The following FBXL17 variants were observed in gnomAD, a reference collection of about 807,000 sequenced individuals.
FBXL17 encodes the protein F-box/LRR-repeat protein 17.
In FBXL17, 22 loss-of-function variants were observed where a neutral mutation model predicts 66.2. The ratio of observed to expected loss-of-function variants is 0.33; its 90% CI spans 0.24 to 0.47. The LOEUF (loss-of-function observed/expected upper bound fraction) is 0.47. FBXL17 is among the 20% of genes least tolerant of loss of function. The probability of loss-of-function intolerance (pLI) is 1.00; values close to 1 mark genes in which losing one functional copy is unlikely to be tolerated. For missense variants in FBXL17, 878 were observed against 948.2 expected (o/e 0.93, Z 0.97); for synonymous variants, 474 against 400.5 (o/e 1.18, Z -2.19).
chr5:108,003,613 C>G (rs557554841), intron 7 of FBXL17, among the ~76,000 whole-genome samples: 1 of 151,906 alleles, frequency 6.6e-6, no homozygotes, highest in Non-Finnish European at 1.5e-5. Flanking sequence ...AAAACATGAG[C>G]AAGTAACATG....
chr5:108,368,092 G>A (rs1241489503), intron 1 of FBXL17, 139 bp from the exon 2 acceptor site: 13 of 753,194 alleles, frequency 1.7e-5, no homozygotes, highest in East Asian at 5.5e-5. Flanking sequence ...GTAAGTCACC[G>A]TAAGAGATCA....
chr5:107,880,238 T>G (rs1161160798), intron 8 of FBXL17: 3 of 415,184 alleles, frequency 7.2e-6, no homozygotes, highest in Non-Finnish European at 9.7e-6. Flanking sequence ...TGGCTAATTT[T>G]TTTTTGTTGG....
At chr5:107,979,057 T>C (rs1321135953) in intron 7 of FBXL17, among the ~76,000 whole-genome samples, 1 of 152,198 alleles carries the variant, frequency 6.6e-6, no homozygotes, top group Non-Finnish European at 1.5e-5. Context: ...AAATATGTCT[T>C]GTGAAGATTA....
Position 108,350,530 on chromosome 5 carries a change from T to C in FBXL17, c.1375-2000A>G, listed in dbSNP as rs147915208. 1.9e-3 allele frequency among the ~76,000 whole-genome samples: 293 copies of C among 152,194 alleles called. 3 individuals are homozygous for C. The highest frequency in any genetic ancestry group is 2.0e-3 in the Non-Finnish European group (137 of 67,990). On this transcript the variant is annotated intron_variant, in intron 3 of 8. Transcript: ENST00000542267. ...ACTTGTCCAGCATAAATGACAAAAA[T>C]AGACACATGGCAATGCAAATCATCA... is the stretch of plus-strand genomic sequence containing the variant.
intron 6 of FBXL17, among the ~76,000 whole-genome samples, chr5:108,126,236 G>A (rs1750691128): frequency 6.6e-6 from 1 of 151,866 alleles, no homozygotes; most frequent in African/African-American, 2.4e-5. Context: ...AAAAAAAATT[G>A]GGCACTAGGC....
intron 6 of FBXL17, among the ~76,000 whole-genome samples, chr5:108,073,271 G>A (rs867727395): frequency 2.0e-5 from 3 of 152,044 alleles, no homozygotes; most frequent in African/African-American, 4.8e-5. Context: ...GAAATTTAGC[G>A]CTAAAGTGGG....
intron 4 of FBXL17, among the ~76,000 whole-genome samples, chr5:108,334,389 C>T (rs775623155): frequency 2.0e-5 from 3 of 152,150 alleles, no homozygotes; most frequent in Non-Finnish European, 4.4e-5. Flanking sequence ...TGACACTGCC[C>T]TCTGTCTAGT....
At chr5:107,916,778 T>C (rs1750147279) in intron 7 of FBXL17, among the ~76,000 whole-genome samples, 1 of 152,218 alleles carries the variant, frequency 6.6e-6, no homozygotes, top group Non-Finnish European at 1.5e-5. Flanking sequence ...ATCTTGTTCA[T>C]CTTCCACAAA....
At chr5:108,017,394 G>A (rs574720407) in intron 7 of FBXL17, among the ~76,000 whole-genome samples, 2 of 152,276 alleles carry the variant, frequency 1.3e-5, no homozygotes, top group Admixed American at 1.3e-4. Flanking sequence ...TCCACAAACA[G>A]AAAAGTCACA....
chr5:108,252,235 T>C (rs371627055), intron 4 of FBXL17, among the ~76,000 whole-genome samples: 1 of 152,104 alleles, frequency 6.6e-6, no homozygotes, highest in Non-Finnish European at 1.5e-5. Context: ...TATAAACTAG[T>C]TTATCACTAA....
In FBXL17 at chr5:108,143,556, T is replaced by C. The variant is rs114060756; in HGVS notation, c.1745+42561A>G. ...TCTTCTCTCTTCTGCTTTACCAACA[T>C]CTGCAGCTAAAATTCCCCCACCTTC... On this transcript the variant is annotated intron_variant, in intron 6 of 8. Coordinates refer to ENST00000542267, the MANE Select transcript of FBXL17 (RefSeq NM_001163315.3). Among the ~76,000 whole-genome samples the C allele has an allele frequency of 7.7e-3, 1,176 of 152,094 alleles. 16 individuals are homozygous for C. The highest frequency in any genetic ancestry group is 0.026 in the African/African-American group (1,069 of 41,454).
intron 6 of FBXL17, among the ~76,000 whole-genome samples, chr5:108,118,684 C>A (rs1750359999): frequency 6.6e-6 from 1 of 152,140 alleles, no homozygotes; most frequent in South Asian, 2.1e-4. Flanking sequence ...TCCCCATCAT[C>A]TATATATAAT....
rs1210857649 is a variant in FBXL17, at chr5:108,381,990, G to T, written c.-299C>A. The T allele has an allele frequency of 1.7e-6, 2 of 1,180,428 alleles. No individual in the cohort carries two copies. The allele number at this position is 1,180,428 out of a possible 1,614,324, so 73.1% of individuals were successfully genotyped here. ...GCCTGCCGGCTAGGCGACCAGTCCG[G>T]GCCCGGCCAGCCGGCTCAGTCAGTC... On this transcript the variant is annotated 5_prime_UTR_variant, in exon 1 of 9. Coordinates refer to ENST00000542267, the MANE Select transcript of FBXL17 (RefSeq NM_001163315.3).
intron 6 of FBXL17, among the ~76,000 whole-genome samples, chr5:108,048,308 A>G (rs749098463): frequency 7.9e-5 from 12 of 152,226 alleles, no homozygotes; most frequent in Non-Finnish European, 1.8e-4. Context: ...TCCAAGGGTC[A>G]GCAGTCTCAA....
chr5:107,934,223 G>C (rs1014131240), intron 7 of FBXL17, among the ~76,000 whole-genome samples: 3 of 152,030 alleles, frequency 2.0e-5, no homozygotes, highest in Non-Finnish European at 4.4e-5. Context: ...AGTAAAGTTT[G>C]ACCAAAATTC....
At chr5:107,955,570 G>C (rs1428218778) in intron 7 of FBXL17, among the ~76,000 whole-genome samples, 1 of 152,126 alleles carries the variant, frequency 6.6e-6, no homozygotes, top group Admixed American at 6.5e-5. Flanking sequence ...ATCTGAAGCA[G>C]ACCTTTTTCA....
intron 4 of FBXL17, among the ~76,000 whole-genome samples, chr5:108,295,964 C>CAAA (rs60118717): frequency 3.6e-5 from 4 of 111,666 alleles, no homozygotes; most frequent in South Asian, 2.7e-4. Flanking sequence ...TAAACAAAAC[C>CAAA]AAAAAAAAAA....
intron 7 of FBXL17, among the ~76,000 whole-genome samples, chr5:107,914,042 G>T (rs1242837484): frequency 1.3e-5 from 2 of 151,816 alleles, no homozygotes; most frequent in East Asian, 3.9e-4. Flanking sequence ...TGAGTTTATG[G>T]TATGAAAATT....
At chr5:108,328,197 T>TA (rs1759949249) in intron 4 of FBXL17, among the ~76,000 whole-genome samples, 1 of 152,144 alleles carries the variant, frequency 6.6e-6, no homozygotes, top group African/African-American at 2.4e-5. Flanking sequence ...TCACTAATGA[T>TA]ATGACCAAGT....
Sources: allele counts gnomAD v4.1 joint callset (sites outside exome capture counted in the v4.1 genomes callset), GRCh38; gene constraint gnomAD v4.1.1; transcripts MANE v1.5; gene names NCBI Gene and HGNC (gene_info 2026-07-23, HGNC 2026-07-21).